GRM7: variants seen among roughly 807,000 people sequenced by gnomAD.
GRM7 encodes glutamate metabotropic receptor 7.
Under a neutral mutation model 84.5 loss-of-function variants are expected in GRM7, and 35 were observed. The ratio of observed to expected loss-of-function variants is 0.41; its 90% CI spans 0.32 to 0.55. The LOEUF is 0.55. GRM7 is among the 20% of genes least tolerant of loss of function. The pLI is 0.19. For synonymous variants in GRM7, 487 were observed against 455.1 expected, an observed-to-expected ratio of 1.07 and a Z score of -0.89; for missense variants, 1,003 against 1,194.6, an observed-to-expected ratio of 0.84 and a Z score of 2.36.
chr3:7,007,129 G>A (rs1695204519), intron 1 of GRM7, among the ~76,000 whole-genome samples: 2 of 152,136 alleles, frequency 1.3e-5, no homozygotes, highest in South Asian at 4.1e-4. Context: ...TGATGGCGTG[G>A]CTAATGAAGA....
intron 1 of GRM7, among the ~76,000 whole-genome samples, chr3:7,139,096 C>T (rs1007546334): frequency 6.8e-5 from 10 of 146,810 alleles, no homozygotes; most frequent in Non-Finnish European, 1.0e-4. Flanking sequence ...CTATATTATA[C>T]TCTATAATAT....
intron 6 of GRM7, 46 bp from the exon 7 acceptor site, chr3:7,461,537 A>G: frequency 6.7e-7 from 1 of 1,500,180 alleles, no homozygotes; most frequent in Non-Finnish European, 9.3e-7. Flanking sequence ...AGATATAAGG[A>G]ATCTTGTTTA....
chr3:6,994,861 G>T (rs1330927829), intron 1 of GRM7, among the ~76,000 whole-genome samples: 1 of 152,044 alleles, frequency 6.6e-6, no homozygotes, highest in Admixed American at 6.6e-5. Flanking sequence ...GGCCAAATTG[G>T]GTTTTGTATT....
At chr3:7,118,697 C>A (rs117459862) in intron 1 of GRM7, among the ~76,000 whole-genome samples, 1 of 151,936 alleles carries the variant, frequency 6.6e-6, no homozygotes. Context: ...CCCCTTTTCA[C>A]ATGGTTTTGA....
At chr3:7,644,233 T>A (rs2125107437) in intron 8 of GRM7, among the ~76,000 whole-genome samples, 1 of 149,386 alleles carries the variant, frequency 6.7e-6, no homozygotes, top group South Asian at 2.1e-4. Context: ...TGTGTGTCTG[T>A]ACATATATAT....
intron 8 of GRM7, among the ~76,000 whole-genome samples, chr3:7,666,765 AT>A (rs1699719392): frequency 6.6e-6 from 1 of 152,224 alleles, no homozygotes; most frequent in African/African-American, 2.4e-5. Context: ...ATTACTTCTT[AT>A]TACATATATT....
chr3:7,432,928 A>G (rs1362404867), intron 5 of GRM7, among the ~76,000 whole-genome samples: 1 of 152,216 alleles, frequency 6.6e-6, no homozygotes, highest in African/African-American at 2.4e-5. Flanking sequence ...GAAGTGAATA[A>G]TGAGAATGGA....
At position 6,863,573 on chromosome 3, in the gene GRM7, G is replaced by C. The variant is rs576819506; in HGVS notation, c.519+1666G>C. On this transcript the variant is annotated intron_variant, in intron 1 of 9. Transcript: ENST00000357716. This position sits in a 1 kb window ranked among gnomAD's most constrained non-coding sequence, Gnocchi z 4.8. The stretch of plus-strand genomic sequence containing the variant: ...AGGTCTGCAAACCCAAAAGTGCTTC[G>C]GGGCTAGCCATCACTCTGAGTTCCT... Among the ~76,000 whole-genome samples, 83 of 152,198 alleles carry C rather than the reference G, an allele frequency of 5.5e-4. 1 individual carries two copies. The highest frequency in any genetic ancestry group is 1.0e-3 in the Admixed American group (16 of 15,290).
At chr3:7,472,468 A>G (rs1698742087) in intron 7 of GRM7, among the ~76,000 whole-genome samples, 1 of 152,250 alleles carries the variant, frequency 6.6e-6, no homozygotes, top group Admixed American at 6.5e-5. Flanking sequence ...AGATTCAACG[A>G]TAAACATATA....
intron 1 of GRM7, among the ~76,000 whole-genome samples, chr3:7,071,954 A>T (rs552613286): frequency 5.5e-4 from 83 of 152,094 alleles, no homozygotes; most frequent in South Asian, 1.9e-3. Flanking sequence ...AAAAAAATTT[A>T]AAAAAAAGAA....
At position 7,137,799 on chromosome 3, in the gene GRM7, G is replaced by A. The variant is rs373508063; in HGVS notation, c.520-8653G>A. 6.6e-5 allele frequency among the ~76,000 whole-genome samples: 10 copies of A among 152,110 alleles called. No homozygotes were observed. The South Asian group carries it at 8.3e-4, about 13-fold the overall frequency. On this transcript the variant is annotated intron_variant, in intron 1 of 9. Transcript: ENST00000357716. ...CATAATGTCTTCTCTTCATTGGAAC[G>A]TCATTAAGAAGGAGTGTGAATGCCA...
chr3:7,694,333 A>G (rs1700934600), intron 9 of GRM7: 1 of 472,802 alleles, frequency 2.1e-6, no homozygotes, highest in Non-Finnish European at 2.8e-6. Context: ...ATCTCAAATT[A>G]ACTGGATTTT....
intron 2 of GRM7, among the ~76,000 whole-genome samples, chr3:7,236,732 T>C (rs1697362010): frequency 6.6e-6 from 1 of 152,172 alleles, no homozygotes; most frequent in Admixed American, 6.5e-5. Flanking sequence ...GATATGTGAA[T>C]GATATCTTTT....
At chr3:7,441,887 A>G (rs150105491) in intron 5 of GRM7, among the ~76,000 whole-genome samples, 1 of 152,228 alleles carries the variant, frequency 6.6e-6, no homozygotes, top group African/African-American at 2.4e-5. Context: ...GTAGCCTTAT[A>G]GTATAGCTTG....
intron 1 of GRM7, among the ~76,000 whole-genome samples, chr3:6,951,995 TTTAATGTAACCAC>T (rs1304723623): frequency 2.6e-5 from 4 of 152,230 alleles, no homozygotes; most frequent in Non-Finnish European, 5.9e-5. Context: ...CTTTGCCTGA[TTTAATGTAACCAC>T]TTACCTTTTT....
intron 1 of GRM7, among the ~76,000 whole-genome samples, chr3:7,021,602 C>A (rs1240620223): frequency 2.0e-5 from 3 of 152,156 alleles, no homozygotes; most frequent in African/African-American, 7.2e-5. Flanking sequence ...GTGAACCCTA[C>A]CTAGAATATC....
intron 2 of GRM7, among the ~76,000 whole-genome samples, chr3:7,281,901 T>C (rs929205638): frequency 6.6e-6 from 1 of 152,058 alleles, no homozygotes; most frequent in African/African-American, 2.4e-5. Context: ...GGCAACAGGG[T>C]GAAACCCCGT....
chr3:7,331,046 T>TA (rs1701189555), intron 4 of GRM7, among the ~76,000 whole-genome samples: 1 of 152,196 alleles, frequency 6.6e-6, no homozygotes, highest in Non-Finnish European at 1.5e-5. Context: ...TTACAACACT[T>TA]ATGAATATCT....
rs1399273613 is a variant in GRM7, at chr3:7,330,489, T to C, written c.1033+23837T>C. ...GCTCTGTTCCCACCCAAATCTTATC[T>C]TGAATTGTAGATCCTGTAATTCCCA... On this transcript the variant is annotated intron_variant, in intron 4 of 9. Transcript: ENST00000357716. Among the ~76,000 whole-genome samples the C allele has an allele frequency of 1.4e-4, 22 of 152,184 alleles. No homozygotes were observed. In the East Asian group the frequency reaches 1.5e-3, roughly 11 times the overall value.
Sources: allele counts gnomAD v4.1 joint callset (sites outside exome capture counted in the v4.1 genomes callset), GRCh38; gene constraint gnomAD v4.1.1; non-coding constraint Gnocchi (gnomAD v3.1); transcripts MANE v1.5; gene names NCBI Gene and HGNC (gene_info 2026-07-23, HGNC 2026-07-21).